Variants in KCTD8 observed in about 807,000 individuals in gnomAD.
The protein encoded by KCTD8 is BTB/POZ domain-containing protein KCTD8.
A neutral mutation model predicts 31.5 loss-of-function variants in KCTD8; 27 were observed. The ratio of observed to expected loss-of-function variants is 0.86; its 90% CI spans 0.63 to 1.18. KCTD8 has a LOEUF of 1.18. Ranked by LOEUF, KCTD8 falls within the 50% of genes most tolerant of loss-of-function variation. KCTD8 has a pLI of 0.00. For synonymous variants in KCTD8, 290 were observed against 280.0 expected (o/e 1.04, Z -0.36); for missense variants, 658 against 647.7 (o/e 1.02, Z -0.17).
chr4:44,270,420 T>G, intron 1 of KCTD8, among the ~76,000 whole-genome samples: 1 of 148,748 alleles, frequency 6.7e-6, no homozygotes, highest in African/African-American at 2.5e-5. Flanking sequence ...AGGGATAGCA[T>G]TAGGAGATAT....
intron 1 of KCTD8, among the ~76,000 whole-genome samples, chr4:44,196,963 C>T (rs929380067): frequency 1.3e-5 from 2 of 152,226 alleles, no homozygotes; most frequent in Non-Finnish European, 2.9e-5. Flanking sequence ...CCAGACAAGA[C>T]TCCACTCTTG....
chr4:44,448,095 G>C lies in KCTD8; in HGVS notation c.429C>G (p.Val143=), dbSNP rs1225209478. 7 of 1,612,558 alleles carry C rather than the reference G, an allele frequency of 4.3e-6. No homozygotes were observed. The highest frequency in any genetic ancestry group is 5.9e-6 in the Non-Finnish European group (7 of 1,179,866). The change falls in exon 1 of 2, where the codon GTC becomes GTG. Residue 143 remains valine (V), a synonymous_variant. Transcript: ENST00000360029. The surrounding 1 kb of genome is among the most constrained non-coding windows in gnomAD (Gnocchi z 4.1). ...TGGTGACCTTGGGCGACAGCAGCTT[G>C]ACCAAGTCGGTGAGCTGGAAATACT... The part of the protein sequence containing the change: ...EAEYFQLTDL[V]KLLSPKVTKQ...
rs150522183 is a variant in KCTD8 at position 44,369,999 on chromosome 4, T to A, written c.961+77564A>T. Among the ~76,000 whole-genome samples, 97 of 152,314 alleles carry A rather than the reference T, an allele frequency of 6.4e-4. 1 individual carries two copies. The highest frequency in any genetic ancestry group is 2.2e-3 in the African/African-American group (91 of 41,574). ...TTGAATTAAAAAATACCTACATATT[T>A]CAAATGATGAAGAAAATAAAGCTGG... is the stretch of plus-strand genomic sequence containing the variant. On this transcript the variant is annotated intron_variant, in intron 1 of 1. Transcript: ENST00000360029.
chr4:44,354,885 C>T (rs1479296988), intron 1 of KCTD8, among the ~76,000 whole-genome samples: 1 of 151,916 alleles, frequency 6.6e-6, no homozygotes, highest in African/African-American at 2.4e-5. Flanking sequence ...GTATGTATTC[C>T]CAATCTGAAA....
intron 1 of KCTD8, among the ~76,000 whole-genome samples, chr4:44,284,399 TGG>T (rs1716995810): frequency 6.6e-6 from 1 of 152,170 alleles, no homozygotes; most frequent in Non-Finnish European, 1.5e-5. Flanking sequence ...TAAATGGTGT[TGG>T]GAAAACTGGC....
chr4:44,334,779 T>C (rs1174457898), intron 1 of KCTD8, among the ~76,000 whole-genome samples: 1 of 152,122 alleles, frequency 6.6e-6, no homozygotes, highest in African/African-American at 2.4e-5. Context: ...GAATAGTAAC[T>C]GTCATGAATT....
At chr4:44,343,910 G>C (rs555282592) in intron 1 of KCTD8, among the ~76,000 whole-genome samples, 5 of 152,044 alleles carry the variant, frequency 3.3e-5, no homozygotes, top group African/African-American at 1.2e-4. Context: ...CTAGGCTGGA[G>C]TGCAGTGGCC....
chr4:44,280,035 G>A (rs932425777), intron 1 of KCTD8, among the ~76,000 whole-genome samples: 3 of 152,010 alleles, frequency 2.0e-5, no homozygotes, highest in African/African-American at 7.2e-5. Context: ...ACCAAGGAAT[G>A]ACAGAGATCT....
chr4:44,180,881 C>T (rs1426104432), intron 1 of KCTD8, among the ~76,000 whole-genome samples: 1 of 151,982 alleles, frequency 6.6e-6, no homozygotes, highest in Non-Finnish European at 1.5e-5. Flanking sequence ...AAATATTAAG[C>T]ATTAAAAGGT....
chr4:44,204,612 T>C (rs1429687528), intron 1 of KCTD8, among the ~76,000 whole-genome samples: 4 of 152,128 alleles, frequency 2.6e-5, no homozygotes, highest in Non-Finnish European at 4.4e-5. Flanking sequence ...TTTTGAGACA[T>C]GAGTCTTGCT....
At chr4:44,336,876 T>C in intron 1 of KCTD8, among the ~76,000 whole-genome samples, 1 of 151,960 alleles carries the variant, frequency 6.6e-6, no homozygotes, top group African/African-American at 2.4e-5. Context: ...GTATATCAAA[T>C]AAAACAATAA....
At chr4:44,236,279 T>C (rs1363300737) in intron 1 of KCTD8, among the ~76,000 whole-genome samples, 1 of 152,250 alleles carries the variant, frequency 6.6e-6, no homozygotes, top group Non-Finnish European at 1.5e-5. Context: ...TGGAGCATAG[T>C]TGATATTGCA....
At chr4:44,305,394 T>C (rs564382958) in intron 1 of KCTD8, among the ~76,000 whole-genome samples, 82 of 151,844 alleles carry the variant, frequency 5.4e-4, no homozygotes, top group African/African-American at 2.0e-3. Flanking sequence ...AAAAGGATAT[T>C]TTAAAAGTTT....
intron 1 of KCTD8, among the ~76,000 whole-genome samples, chr4:44,287,895 C>T (rs1471514288): frequency 6.6e-6 from 1 of 152,146 alleles, no homozygotes; most frequent in Non-Finnish European, 1.5e-5. Context: ...AAGGAATCCA[C>T]AGTCGACTTG....
intron 1 of KCTD8, among the ~76,000 whole-genome samples, chr4:44,203,182 T>C (rs527557208): frequency 6.6e-6 from 1 of 152,188 alleles, no homozygotes; most frequent in South Asian, 2.1e-4. Flanking sequence ...GACAGATCAT[T>C]GTAGTCTTAA....
At chr4:44,439,070 G>A (rs1721752670) in intron 1 of KCTD8, among the ~76,000 whole-genome samples, 2 of 152,284 alleles carry the variant, frequency 1.3e-5, no homozygotes, top group Non-Finnish European at 2.9e-5. Context: ...CCTCTTAGGA[G>A]TAGAGGCCAA....
chr4:44,300,787 A>G (rs1717589799), intron 1 of KCTD8, among the ~76,000 whole-genome samples: 1 of 152,004 alleles, frequency 6.6e-6, no homozygotes, highest in African/African-American at 2.4e-5. Context: ...ACATATGTAT[A>G]TATGTGCCAT....
intron 1 of KCTD8, among the ~76,000 whole-genome samples, chr4:44,339,945 CA>C (rs1465029262): frequency 4.0e-5 from 6 of 151,772 alleles, no homozygotes; most frequent in Non-Finnish European, 8.8e-5. Context: ...AGTCAACAGA[CA>C]AAACTCAATA....
At chr4:44,370,927 A>T (rs1056136362) in intron 1 of KCTD8, among the ~76,000 whole-genome samples, 1 of 152,066 alleles carries the variant, frequency 6.6e-6, no homozygotes, top group Admixed American at 6.6e-5. Context: ...TGATACATAG[A>T]AAGAGATTTA....
Sources: allele counts gnomAD v4.1 joint callset (sites outside exome capture counted in the v4.1 genomes callset), GRCh38; gene constraint gnomAD v4.1.1; non-coding constraint Gnocchi (gnomAD v3.1); transcripts MANE v1.5; gene names NCBI Gene and HGNC (gene_info 2026-07-23, HGNC 2026-07-21).